KLHL1: variants seen among roughly 807,000 people sequenced by gnomAD.
KLHL1 encodes kelch-like protein 1.
In KLHL1, 47 loss-of-function variants were observed where a neutral mutation model predicts 77.7. The ratio of observed to expected loss-of-function variants is 0.60; its 90% CI spans 0.48 to 0.77. KLHL1 has a LOEUF of 0.77. KLHL1 is among the 30% of genes least tolerant of loss of function. The probability of loss-of-function intolerance (pLI) is 0.00; values close to 1 mark genes in which losing one functional copy is unlikely to be tolerated. For synonymous variants in KLHL1, 360 were observed against 325.2 expected, an observed-to-expected ratio of 1.11 and a Z score of -1.15; for missense variants, 925 against 910.8, an observed-to-expected ratio of 1.02 and a Z score of -0.20.
At chr13:69,830,148 A>G (rs1018065822) in intron 6 of KLHL1, among the ~76,000 whole-genome samples, 5 of 150,252 alleles carry the variant, frequency 3.3e-5, no homozygotes, top group African/African-American at 1.2e-4. Flanking sequence ...GCCCCACATA[A>G]AAAATACGGA....
At chr13:69,868,751 A>G (rs771554110) in intron 5 of KLHL1, among the ~76,000 whole-genome samples, 2 of 152,152 alleles carry the variant, frequency 1.3e-5, no homozygotes, top group African/African-American at 2.4e-5. Context: ...GTTCTCACAC[A>G]TGAATAAAAT....
chr13:69,891,908 T>A (rs933342893), intron 4 of KLHL1, among the ~76,000 whole-genome samples: 16 of 152,020 alleles, frequency 1.1e-4, no homozygotes, highest in African/African-American at 1.7e-4. Context: ...TTTATTTTTT[T>A]AAAAAAATAC....
chr13:69,828,142 A>T (rs1430078428), intron 6 of KLHL1, among the ~76,000 whole-genome samples: 1 of 150,318 alleles, frequency 6.7e-6, no homozygotes, highest in Non-Finnish European at 1.5e-5. Flanking sequence ...AAACCAAAGG[A>T]ATTCACAGAC....
In KLHL1 at chr13:69,944,364, T is replaced by C. The variant is rs559139536; in HGVS notation, c.818-4128A>G. On this transcript the variant is annotated intron_variant, in intron 3 of 10. Coordinates refer to ENST00000377844, the MANE Select transcript of KLHL1 (RefSeq NM_020866.3). ...GTGGGACTCCACTGGAAGGGAACCC[T>C]TGGAAGTCTGTACCTGGTTTCATTT... Among the ~76,000 whole-genome samples, 6 of 152,326 alleles carry C rather than the reference T, an allele frequency of 3.9e-5. No homozygotes were observed. In the East Asian group the frequency reaches 5.8e-4, roughly 15 times the overall value.
At chr13:69,985,840 G>A (rs967155766) in intron 1 of KLHL1, among the ~76,000 whole-genome samples, 1 of 132,110 alleles carries the variant, frequency 7.6e-6, no homozygotes, top group African/African-American at 3.0e-5. Context: ...TCTTATGTGT[G>A]TGTATAGATA....
chr13:70,011,600 C>T (rs1479167978), intron 1 of KLHL1, among the ~76,000 whole-genome samples: 1 of 152,136 alleles, frequency 6.6e-6, no homozygotes. Context: ...AGAGTTATCC[C>T]TATCTTGATA....
intron 4 of KLHL1, among the ~76,000 whole-genome samples, chr13:69,903,762 C>T (rs1593934999): frequency 6.7e-6 from 1 of 149,582 alleles, no homozygotes; most frequent in East Asian, 2.0e-4. Flanking sequence ...CTGCCTCAGC[C>T]TCCCGAGTAG....
intron 3 of KLHL1, among the ~76,000 whole-genome samples, chr13:69,956,687 G>A (rs1039555325): frequency 6.6e-6 from 1 of 151,406 alleles, no homozygotes; most frequent in African/African-American, 2.4e-5. Context: ...ATCATTTCAA[G>A]GTTACTTTTA....
chr13:70,051,164 C>G lies in KLHL1; in HGVS notation c.497+56039G>C, dbSNP rs1037537640. The stretch of plus-strand genomic sequence containing the variant: ...ATATTCATTAAGAAATGTTTTCACA[C>G]AAAATTTGGAGGACTTGTAAATTTT... On this transcript the variant is annotated intron_variant, in intron 1 of 10. Coordinates refer to ENST00000377844, the MANE Select transcript of KLHL1 (RefSeq NM_020866.3). Among the ~76,000 whole-genome samples, 3 of 151,908 alleles carry G rather than the reference C, an allele frequency of 2.0e-5. No homozygotes were observed. In the South Asian group the frequency reaches 6.2e-4, roughly 31 times the overall value.
At chr13:69,916,009 T>A (rs1410077897) in intron 4 of KLHL1, among the ~76,000 whole-genome samples, 5 of 152,128 alleles carry the variant, frequency 3.3e-5, no homozygotes, top group Non-Finnish European at 7.3e-5. Context: ...TCACTGGCCA[T>A]CAGAGAGATG....
intron 7 of KLHL1, among the ~76,000 whole-genome samples, chr13:69,764,744 C>T (rs1875187877): frequency 6.6e-6 from 1 of 151,866 alleles, no homozygotes; most frequent in Non-Finnish European, 1.5e-5. Context: ...CACAGATCGA[C>T]TCAATTCTAT....
At chr13:69,746,286 A>G (rs1166247456) in intron 7 of KLHL1, among the ~76,000 whole-genome samples, 1 of 151,798 alleles carries the variant, frequency 6.6e-6, no homozygotes, top group Non-Finnish European at 1.5e-5. Context: ...ATTACTATAC[A>G]TTTTAGTTCT....
rs73520088 is a variant in KLHL1, at chr13:69,710,686, C to T, written c.2016-2890G>A. ...TCCCCAAAATGAAATAAGCAATCTACAGATGTATAAGCATTGTCCAAACAT... is the reference window on the plus strand; with the variant it reads ...TCCCCAAAATGAAATAAGCAATCTATAGATGTATAAGCATTGTCCAAACAT... On this transcript the variant is annotated intron_variant, in intron 9 of 10. Coordinates refer to ENST00000377844, the MANE Select transcript of KLHL1 (RefSeq NM_020866.3). 7.6e-3 allele frequency among the ~76,000 whole-genome samples: 1,162 copies of T among 152,216 alleles called. 23 individuals are homozygous for T. Among genetic ancestry groups the T allele is most frequent in the African/African-American group, 0.026 (1,094 of 41,554 alleles).
chr13:69,866,375 T>C (rs1458051511), intron 5 of KLHL1, among the ~76,000 whole-genome samples: 3 of 152,068 alleles, frequency 2.0e-5, no homozygotes, highest in South Asian at 4.1e-4. Flanking sequence ...CTAATTTTAA[T>C]AGAAAAAGCT....
intron 8 of KLHL1, among the ~76,000 whole-genome samples, chr13:69,729,725 G>T (rs548815293): frequency 2.9e-4 from 44 of 151,862 alleles, no homozygotes; most frequent in African/African-American, 9.9e-4. Context: ...CCAGGGAGAA[G>T]AAAAAGATGC....
intron 3 of KLHL1, among the ~76,000 whole-genome samples, chr13:69,946,129 A>C (rs1593975568): frequency 6.6e-6 from 1 of 152,168 alleles, no homozygotes; most frequent in Non-Finnish European, 1.5e-5. Context: ...TGAAAATCCC[A>C]AAAAATCTGG....
chr13:70,006,585 A>T (rs1033748162), intron 1 of KLHL1, among the ~76,000 whole-genome samples: 1 of 149,952 alleles, frequency 6.7e-6, no homozygotes, highest in East Asian at 2.0e-4. Flanking sequence ...CAGTGAAGCC[A>T]TTTGTCCTGG....
At chr13:69,727,851 C>CT (rs1222986252) in intron 8 of KLHL1, among the ~76,000 whole-genome samples, 2,327 of 143,216 alleles carry the variant, frequency 0.016, 31 homozygotes, top group African/African-American at 0.035. Context: ...CATCACTGCT[C>CT]TTTTTTTTTT....
rs60920874 is a variant in KLHL1 at position 70,057,782 on chromosome 13, CAAA to C, written c.497+49418_497+49420del. 6.3e-4 allele frequency among the ~76,000 whole-genome samples: 39 copies of C among 62,254 alleles called. No homozygotes were observed. The East Asian group carries it at 0.017, about 27-fold the overall frequency. The allele number at this position is 62,254 out of a possible 152,430, so 40.8% of individuals were successfully genotyped here. A position where few individuals can be genotyped will look rare whatever the true frequency, so the allele number is the denominator to read the frequency against. On this transcript the variant is annotated intron_variant, in intron 1 of 10. Coordinates refer to ENST00000377844, the MANE Select transcript of KLHL1 (RefSeq NM_020866.3). ...TGGGCGACAGAGCGAGACTCCGTCTCAAAAAAAAAAAAAAAAAAAAAAAGAAAG... is the reference window on the plus strand; with the variant it reads ...TGGGCGACAGAGCGAGACTCCGTCTCAAAAAAAAAAAAAAAAAAAAGAAAG...
Sources: gnomAD v4.1 joint callset for allele counts (sites outside exome capture counted in the v4.1 genomes callset) on GRCh38, gnomAD v4.1.1 for gene constraint, MANE v1.5 for transcripts, NCBI Gene and HGNC (gene_info 2026-07-23, HGNC 2026-07-21) for gene names.